GLB1: variants seen among roughly 807,000 people sequenced by gnomAD.
GLB1 encodes the protein beta-galactosidase.
In GLB1, 56 loss-of-function variants were observed where a neutral mutation model predicts 74.0. The ratio of observed to expected loss-of-function variants is 0.76; its 90% CI spans 0.61 to 0.94. GLB1 has a LOEUF of 0.94. Ranked by LOEUF, GLB1 falls within the 40% of genes least tolerant of loss-of-function variation. The pLI, the probability that GLB1 is intolerant of heterozygous loss-of-function variation, is 0.00. For synonymous variants in GLB1, 323 were observed against 323.6 expected (o/e 1.00, Z 0.02); for missense variants, 787 against 845.5 (o/e 0.93, Z 0.86).
chr3:33,033,061 AT>A (rs1396473122), intron 10 of GLB1, among the ~76,000 whole-genome samples: 1 of 152,218 alleles, frequency 6.6e-6, no homozygotes, highest in Non-Finnish European at 1.5e-5. Context: ...ATATACTGAT[AT>A]GATTCCTGGT....
rs140769062 is a variant in GLB1 at position 33,051,094 on chromosome 3, G to T, written c.955+664C>A. Among the ~76,000 whole-genome samples the T allele has an allele frequency of 1.3e-5, 2 of 151,858 alleles. 1 individual carries two copies. Among genetic ancestry groups the T allele is most frequent in the South Asian group, 4.2e-4 (2 of 4,812 alleles). Reference sequence around the variant, plus strand: ...ATACAAAAACAAAAATTAGCTGGGTGTGGTGGCGGGTGCCTGTAGTCCCAG... The same window carrying T: ...ATACAAAAACAAAAATTAGCTGGGTTTGGTGGCGGGTGCCTGTAGTCCCAG... On this transcript the variant is annotated intron_variant, in intron 9 of 15. Coordinates refer to ENST00000307363, the MANE Select transcript of GLB1 (RefSeq NM_000404.4).
At chr3:32,973,613 T>G in the GLB1 span, among the ~76,000 whole-genome samples, 4 of 152,112 alleles carry the variant, frequency 2.6e-5, no homozygotes, top group Admixed American at 2.6e-4. Flanking sequence ...CCCAAAGTGC[T>G]GGGATTACAG....
rs372165864 is a variant in GLB1, at chr3:33,083,754, C to T, written c.76-11041G>A. 1.4e-4 allele frequency among the ~76,000 whole-genome samples: 21 copies of T among 151,900 alleles called. No individual in the cohort carries two copies. The East Asian group carries it at 3.5e-3, about 25-fold the overall frequency. On this transcript the variant is annotated intron_variant, in intron 1 of 15. Coordinates refer to ENST00000307363, the MANE Select transcript of GLB1 (RefSeq NM_000404.4). The stretch of plus-strand genomic sequence containing the variant: ...AGCAGTACAAACAAAACACCAAATA[C>T]GTATCAGGAACCTAATACTGGCCAA...
At chr3:33,025,054 T>G (rs1697680086) in intron 10 of GLB1, among the ~76,000 whole-genome samples, 1 of 152,102 alleles carries the variant, frequency 6.6e-6, no homozygotes, top group Admixed American at 6.5e-5. Context: ...CAAGTGATTC[T>G]CCTGCTTCAG....
intron 5 of GLB1, 98 bp from the exon 6 acceptor site, chr3:33,058,367 A>G: frequency 6.5e-7 from 1 of 1,548,136 alleles, no homozygotes; most frequent in Non-Finnish European, 8.8e-7. Flanking sequence ...ATCTGCTAAG[A>G]TGACAAGGCT....
chr3:33,095,333 T>C (rs559534902), intron 1 of GLB1, among the ~76,000 whole-genome samples: 48 of 150,434 alleles, frequency 3.2e-4, no homozygotes, highest in Admixed American at 2.5e-3. Flanking sequence ...CTGGCTAACA[T>C]GGTGAAACCC....
At position 33,052,127 on chromosome 3, in the gene GLB1, A is replaced by T. The variant is rs1699020021; in HGVS notation, c.793-123T>A. 68 of 1,555,248 alleles carry T rather than the reference A, an allele frequency of 4.4e-5. 2 individuals carry two copies. In the South Asian group the frequency reaches 7.6e-4, roughly 17 times the overall value. On this transcript the variant is annotated intron_variant, in intron 7 of 15. Transcript: ENST00000307363. Reference sequence around the variant, plus strand: ...GTTGACATGCTGACATGCACTGCTTAACCCAGAGACGCCCCCCAGTGAGCA... The same window carrying T: ...GTTGACATGCTGACATGCACTGCTTTACCCAGAGACGCCCCCCAGTGAGCA...
At chr3:33,049,003 C>A (rs1575447871) in intron 9 of GLB1, among the ~76,000 whole-genome samples, 1 of 149,448 alleles carries the variant, frequency 6.7e-6, no homozygotes, top group East Asian at 2.6e-4. Flanking sequence ...GGATTAAGGA[C>A]AACATTTATG....
At chr3:32,975,409 A>G in the GLB1 span, among the ~76,000 whole-genome samples, 522 of 152,114 alleles carry the variant, frequency 3.4e-3, 3 homozygotes, top group Middle Eastern at 6.8e-3. Flanking sequence ...TTTTATCCAT[A>G]TGTCAATGAG....
At chr3:33,075,902 G>A (rs531846832) in intron 1 of GLB1, among the ~76,000 whole-genome samples, 56 of 152,082 alleles carry the variant, frequency 3.7e-4, no homozygotes, top group Admixed American at 9.8e-4. Flanking sequence ...AAAATTAGCC[G>A]GGCGTGGTGG....
intron 1 of GLB1, chr3:33,092,806 G>A: frequency 6.4e-7 from 1 of 1,565,208 alleles, no homozygotes; most frequent in Non-Finnish European, 8.7e-7. Context: ...GACAAGGGCA[G>A]GGCAGAGGTG....
chr3:32,991,357 G>A, the GLB1 span, among the ~76,000 whole-genome samples: 1 of 152,218 alleles, frequency 6.6e-6, no homozygotes, highest in African/African-American at 2.4e-5. Flanking sequence ...TGCTTGCTGG[G>A]CTTTCAGACC....
intron 14 of GLB1, among the ~76,000 whole-genome samples, chr3:33,016,084 G>A (rs4328758): frequency 0.089 from 13,547 of 152,234 alleles, 802 homozygotes; most frequent in Non-Finnish European, 0.13. Context: ...GTGCCCCAAG[G>A]GAAGAGGCTT....
chr3:32,969,749 A>G, the GLB1 span, among the ~76,000 whole-genome samples: 1 of 152,254 alleles, frequency 6.6e-6, no homozygotes, highest in Non-Finnish European at 1.5e-5. Context: ...AGTTCCACCA[A>G]GGAACTCACA....
At chr3:33,095,088 G>A (rs1700953869) in intron 1 of GLB1, among the ~76,000 whole-genome samples, 2 of 151,832 alleles carry the variant, frequency 1.3e-5, no homozygotes, top group Non-Finnish European at 1.5e-5. Flanking sequence ...GTGGATGCAT[G>A]TAATCCCAGC....
At chr3:32,964,243 ATTGTTTTG>A in the GLB1 span, among the ~76,000 whole-genome samples, 7 of 152,214 alleles carry the variant, frequency 4.6e-5, no homozygotes, top group Non-Finnish European at 1.0e-4. Context: ...CTTCCTCCTA[ATTGTTTTG>A]ATGTCACAAG....
At chr3:33,055,134 A>G (rs1274318664) in intron 6 of GLB1, among the ~76,000 whole-genome samples, 1 of 152,224 alleles carries the variant, frequency 6.6e-6, no homozygotes, top group East Asian at 1.9e-4. Context: ...CCATCGGGCA[A>G]TGCCCCTCTC....
At chr3:33,085,103 C>A (rs142001980) in intron 1 of GLB1, among the ~76,000 whole-genome samples, 1 of 151,910 alleles carries the variant, frequency 6.6e-6, no homozygotes, top group East Asian at 1.9e-4. Context: ...GAGATCCCAT[C>A]CCTATAAAAA....
the GLB1 span, among the ~76,000 whole-genome samples, chr3:32,966,700 G>C: frequency 6.6e-6 from 1 of 152,208 alleles, no homozygotes; most frequent in African/African-American, 2.4e-5. Flanking sequence ...ATCTCATCTT[G>C]AATTGTAGCT....
Sources: gnomAD v4.1 joint callset for allele counts (sites outside exome capture counted in the v4.1 genomes callset) on GRCh38, gnomAD v4.1.1 for gene constraint, MANE v1.5 for transcripts, NCBI Gene and HGNC (gene_info 2026-07-23, HGNC 2026-07-21) for gene names.